The following NSD2 variants were observed in gnomAD, a reference collection of about 807,000 sequenced individuals.
NSD2 encodes nuclear receptor binding SET domain protein 2.
A neutral mutation model predicts 139.0 loss-of-function variants in NSD2; 12 were observed. That is an observed-to-expected ratio of 0.09 (90% CI 0.06 to 0.14). The LOEUF (loss-of-function observed/expected upper bound fraction) is 0.14. NSD2 is among the 10% of genes least tolerant of loss of function. The pLI is 1.00. For synonymous variants in NSD2, 669 were observed against 648.7 expected, an observed-to-expected ratio of 1.03 and a Z score of -0.48; for missense variants, 1,155 against 1,745.0, an observed-to-expected ratio of 0.66 and a Z score of 6.02.
chr4:1,944,030 G>C, intron 9 of NSD2: 1 of 1,065,580 alleles, frequency 9.4e-7, no homozygotes. Flanking sequence ...GGCATCAGCT[G>C]AATAACCAGG....
At chr4:1,906,620 A>G (rs975057209) in intron 3 of NSD2, among the ~76,000 whole-genome samples, 1 of 148,756 alleles carries the variant, frequency 6.7e-6, no homozygotes, top group African/African-American at 2.5e-5. Context: ...TCTGACATTC[A>G]GATATACTGC....
intron 3 of NSD2, among the ~76,000 whole-genome samples, chr4:1,905,874 G>A (rs1042650609): frequency 1.3e-5 from 2 of 152,196 alleles, no homozygotes; most frequent in African/African-American, 4.8e-5. Flanking sequence ...GTACCCCAGG[G>A]CCTCTAGACT....
In NSD2 at chr4:1,981,900, C is replaced by A. The variant is rs1727804075; in HGVS notation, c.*2991C>A. 4 of 398,618 alleles carry A rather than the reference C, an allele frequency of 1.0e-5. No individual in the cohort carries two copies. The highest frequency in any genetic ancestry group is 1.8e-5 in the Non-Finnish European group (4 of 226,068). The allele number at this position is 398,618 out of a possible 1,614,324, so 24.7% of individuals were successfully genotyped here. A position where few individuals can be genotyped will look rare whatever the true frequency, so the allele number is the denominator to read the frequency against. On this transcript the variant is annotated 3_prime_UTR_variant, in exon 22 of 22. Coordinates refer to ENST00000508803, the MANE Select transcript of NSD2 (RefSeq NM_001042424.3). ...GTGTCCACGGGGTGTCACAGCCTCA[C>A]CATACCCTGTTGAGGTGTGAAATGC...
Position 1,980,979 on chromosome 4 carries a change from G to A in NSD2, c.*2070G>A, listed in dbSNP as rs1452661445. The A allele has an allele frequency of 3.0e-5, 7 of 233,148 alleles. No homozygotes were observed. The highest frequency in any genetic ancestry group is 5.1e-5 in the Non-Finnish European group (6 of 118,032). The allele number at this position is 233,148 out of a possible 1,614,324, so 14.4% of individuals were successfully genotyped here. ...GAGTCGAAGGCCCCAGGGCCCCGCT[G>A]TCACTTGCCCAAAAGATCCCTTCCG... On this transcript the variant is annotated 3_prime_UTR_variant, in exon 22 of 22. Coordinates refer to ENST00000508803, the MANE Select transcript of NSD2 (RefSeq NM_001042424.3).
intron 10 of NSD2, among the ~76,000 whole-genome samples, chr4:1,951,443 T>TACACACAC (rs71167763): frequency 1.2e-4 from 12 of 101,076 alleles, no homozygotes; most frequent in African/African-American, 2.8e-4. Context: ...CATCATGTAA[T>TACACACAC]ACACACACAC....
At chr4:1,941,338 C>T (rs1723073551) in intron 9 of NSD2, 1 of 1,052,502 alleles carries the variant, frequency 9.5e-7, no homozygotes, top group East Asian at 5.4e-5. Context: ...TTGTCAGGTA[C>T]AGTAGAGAGA....
At chr4:1,930,520 GC>G (rs1721514930) in intron 5 of NSD2, 105 bp from the exon 6 acceptor site, 1 of 1,200,526 alleles carries the variant, frequency 8.3e-7, no homozygotes, top group Non-Finnish European at 1.1e-6. Flanking sequence ...GAATAAAAAT[GC>G]GACACACTAA....
intron 6 of NSD2, among the ~76,000 whole-genome samples, chr4:1,934,869 AAAAAAAAAAATATATAT>A (rs1722140389): frequency 9.6e-6 from 1 of 104,362 alleles, no homozygotes; most frequent in Non-Finnish European, 1.9e-5. Context: ...AAAAAAAAAA[AAAAAAAAAAATATATAT>A]ATATATATAT....
At chr4:1,940,414 A>G (rs894529809) in intron 9 of NSD2, 35 of 1,063,508 alleles carry the variant, frequency 3.3e-5, no homozygotes, top group Non-Finnish European at 3.9e-5. Context: ...GCTGCCTGCC[A>G]TCATTGTAAC....
At chr4:1,951,441 AATACACACACACACAC>A (rs1276662637) in intron 10 of NSD2, among the ~76,000 whole-genome samples, 1 of 86,894 alleles carries the variant, frequency 1.2e-5, no homozygotes, top group East Asian at 3.9e-4. Flanking sequence ...CACATCATGT[AATACACACACACACAC>A]ACACACACAC....
At chr4:1,888,752 G>T (rs1254948833) in intron 1 of NSD2, among the ~76,000 whole-genome samples, 1 of 151,516 alleles carries the variant, frequency 6.6e-6, no homozygotes, top group African/African-American at 2.4e-5. Context: ...TTTTAATAGA[G>T]ATGGGGTTTC....
At chr4:1,975,052 A>T in intron 19 of NSD2, 48 bp downstream of exon 19, 1 of 1,612,400 alleles carries the variant, frequency 6.2e-7, no homozygotes, top group East Asian at 2.2e-5. Flanking sequence ...ATGGGGGCAG[A>T]GTGGCCATCG....
chr4:1,898,399 T>C (rs1005503935), intron 1 of NSD2, among the ~76,000 whole-genome samples: 1 of 152,212 alleles, frequency 6.6e-6, no homozygotes, highest in African/African-American at 2.4e-5. Context: ...GTGCGGTGGC[T>C]CACGCCTGTA....
At chr4:1,918,780 C>G in intron 5 of NSD2, 157 bp downstream of exon 5, 1 of 1,049,366 alleles carries the variant, frequency 9.5e-7, no homozygotes, top group Non-Finnish European at 1.3e-6. Context: ...AACAGCCATT[C>G]TGACCCTTGA....
intron 1 of NSD2, among the ~76,000 whole-genome samples, chr4:1,876,868 G>A (rs1470501268): frequency 1.3e-5 from 2 of 152,122 alleles, no homozygotes; most frequent in African/African-American, 2.4e-5. Context: ...GCGGTGGGTG[G>A]CTCACGCCTG....
chr4:1,943,680 T>A (rs1169557517), intron 9 of NSD2: 1 of 1,049,778 alleles, frequency 9.5e-7, no homozygotes, highest in Admixed American at 5.5e-5. Flanking sequence ...CTAAGCTGTG[T>A]TACTCCAAAG....
chr4:1,912,342 T>C (rs1051821297), intron 3 of NSD2: 1 of 161,446 alleles, frequency 6.2e-6, no homozygotes, highest in African/African-American at 2.4e-5. Context: ...TCTCCCCATA[T>C]AATTAAGTCA....
Position 1,979,064 on chromosome 4 carries a change from T to C in NSD2, c.*155T>C. On this transcript the variant is annotated 3_prime_UTR_variant, in exon 22 of 22. Transcript: ENST00000508803. ...TCGGGAGGGAGCGCCTCCCCACCAC[T>C]GAGCCATCCTCAGCAGCGTCCGCTG... 1 of 938,866 alleles carries C rather than the reference T, an allele frequency of 1.1e-6. No homozygotes were observed. 58.2% of individuals were successfully genotyped at this position (938,866 alleles called of 1,614,324 possible). A position where few individuals can be genotyped will look rare whatever the true frequency, so the allele number is the denominator to read the frequency against.
At chr4:1,911,447 G>A (rs1396143181) in intron 3 of NSD2, among the ~76,000 whole-genome samples, 2 of 151,884 alleles carry the variant, frequency 1.3e-5, no homozygotes, top group African/African-American at 4.8e-5. Context: ...AATTAGCTGG[G>A]TGTGGTCCCA....
Sources: gnomAD v4.1 joint callset for allele counts (sites outside exome capture counted in the v4.1 genomes callset) on GRCh38, gnomAD v4.1.1 for gene constraint, MANE v1.5 for transcripts, NCBI Gene and HGNC (gene_info 2026-07-23, HGNC 2026-07-21) for gene names.